Variants in ATP10D observed in about 807,000 individuals in gnomAD.
ATP10D encodes phospholipid-transporting ATPase VD.
A neutral mutation model predicts 144.8 loss-of-function variants in ATP10D; 89 were observed. The ratio of observed to expected loss-of-function variants is 0.61; its 90% confidence interval spans 0.52 to 0.73. The LOEUF is 0.73. ATP10D is among the 30% of genes least tolerant of loss of function. The pLI, the probability that ATP10D is intolerant of heterozygous loss-of-function variation, is 0.00. For synonymous variants in ATP10D, 571 were observed against 615.1 expected (o/e 0.93, Z 1.06); for missense variants, 1,603 against 1,714.8 (o/e 0.93, Z 1.15).
chr4:47,515,208 G>A (rs1010769304), intron 2 of ATP10D, among the ~76,000 whole-genome samples: 3 of 151,966 alleles, frequency 2.0e-5, no homozygotes, highest in Admixed American at 6.6e-5. Context: ...TGATCTGCCC[G>A]CCTCGGCCTC....
intron 10 of ATP10D, among the ~76,000 whole-genome samples, chr4:47,552,403 G>A (rs1718772599): frequency 6.6e-6 from 1 of 152,214 alleles, no homozygotes; most frequent in Admixed American, 6.5e-5. Context: ...AGTTCAAGGA[G>A]CCAGCAGATT....
chr4:47,586,442 G>A (rs1479141445), intron 21 of ATP10D, among the ~76,000 whole-genome samples: 1 of 152,184 alleles, frequency 6.6e-6, no homozygotes, highest in Non-Finnish European at 1.5e-5. Flanking sequence ...AGACAGCATG[G>A]AAAATTGCAG....
At chr4:47,565,761 A>C (rs897102560) in intron 15 of ATP10D, among the ~76,000 whole-genome samples, 1 of 152,062 alleles carries the variant, frequency 6.6e-6, no homozygotes. Flanking sequence ...AAAAAATTAC[A>C]CTTATACCCT....
chr4:47,589,941 T>G (rs921392377), intron 22 of ATP10D, among the ~76,000 whole-genome samples: 4 of 152,092 alleles, frequency 2.6e-5, no homozygotes, highest in Non-Finnish European at 5.9e-5. Flanking sequence ...TTACTGTTGG[T>G]GAGGTTTCAG....
At chr4:47,552,220 C>A (rs1161089447) in intron 10 of ATP10D, among the ~76,000 whole-genome samples, 2 of 152,174 alleles carry the variant, frequency 1.3e-5, no homozygotes, top group Admixed American at 1.3e-4. Flanking sequence ...GTTCTCGTGG[C>A]CACAGCACAG....
intron 1 of ATP10D, among the ~76,000 whole-genome samples, chr4:47,503,714 T>C (rs1715845547): frequency 6.6e-6 from 1 of 151,830 alleles, no homozygotes; most frequent in Non-Finnish European, 1.5e-5. Context: ...CTGGGCAGTA[T>C]AGAAAGACCC....
At chr4:47,505,859 A>C (rs1192546280) in intron 1 of ATP10D, among the ~76,000 whole-genome samples, 55 of 151,868 alleles carry the variant, frequency 3.6e-4, no homozygotes, top group Non-Finnish European at 1.9e-4. Flanking sequence ...TTTTTCTTTT[A>C]GACCAGTGAA....
At chr4:47,511,353 T>C (rs1716316191) in intron 1 of ATP10D, among the ~76,000 whole-genome samples, 1 of 152,188 alleles carries the variant, frequency 6.6e-6, no homozygotes, top group African/African-American at 2.4e-5. Flanking sequence ...TCTCTCATGA[T>C]AAGACGGGCT....
rs557426590 is a variant in ATP10D at position 47,554,760 on chromosome 4, A to G, written c.1670A>G (p.Asp557Gly). 3.3e-5 allele frequency: 53 copies of G among 1,613,436 alleles called. No homozygotes were observed. The South Asian group carries it at 5.1e-4, about 15-fold the overall frequency. The change falls in exon 11 of 23, where the codon GAC (aspartate) becomes GGC (glycine). Residue 557 changes from aspartate (D) to glycine (G), a missense_variant. By Grantham distance (94) the Asp-to-Gly change is moderately conservative. Transcript: ENST00000273859. ...GTGGTACCAGACACCAGGCTTTTAGACAAATTTAGTCAGATTACACCTCGG... is the reference window on the plus strand; with the variant it reads ...GTGGTACCAGACACCAGGCTTTTAGGCAAATTTAGTCAGATTACACCTCGG... ...TDVVPDTRLL[D>G]KFSQITPRLF...
intron 10 of ATP10D, among the ~76,000 whole-genome samples, chr4:47,552,444 C>A (rs546829839): frequency 1.3e-5 from 2 of 152,164 alleles, no homozygotes; most frequent in Non-Finnish European, 2.9e-5. Flanking sequence ...CTTCCTGGTT[C>A]ATAAAAACAG....
At chr4:47,507,908 T>TA (rs1716107949) in intron 1 of ATP10D, among the ~76,000 whole-genome samples, 2 of 152,190 alleles carry the variant, frequency 1.3e-5, no homozygotes, top group Non-Finnish European at 2.9e-5. Flanking sequence ...GAGTGGGTGA[T>TA]ATGGTTAACC....
intron 19 of ATP10D, among the ~76,000 whole-genome samples, chr4:47,580,024 A>G (rs1371680308): frequency 6.6e-6 from 1 of 152,224 alleles, no homozygotes; most frequent in Non-Finnish European, 1.5e-5. Context: ...GAGACAATTG[A>G]TGGTGAATTG....
chr4:47,513,298 C>G (rs1239908999), intron 2 of ATP10D, among the ~76,000 whole-genome samples: 1 of 152,176 alleles, frequency 6.6e-6, no homozygotes, highest in Non-Finnish European at 1.5e-5. Flanking sequence ...ATATCTCATT[C>G]ATGGACAATC....
At chr4:47,540,358 G>T (rs1029751511) in intron 9 of ATP10D, among the ~76,000 whole-genome samples, 1 of 152,090 alleles carries the variant, frequency 6.6e-6, no homozygotes, top group Non-Finnish European at 1.5e-5. Flanking sequence ...TTCTAGCTTC[G>T]AAATGTGTTC....
At chr4:47,581,706 G>C (rs1720526885) in intron 20 of ATP10D, among the ~76,000 whole-genome samples, 1 of 152,204 alleles carries the variant, frequency 6.6e-6, no homozygotes, top group Non-Finnish European at 1.5e-5. Context: ...AGAAGTGTGA[G>C]TGAAAGGTTC....
In ATP10D at chr4:47,512,764, G is replaced by T; in HGVS notation, c.224G>T (p.Arg75Leu). The T allele has an allele frequency of 1.2e-6, 2 of 1,614,014 alleles. No homozygotes were observed. The highest frequency in any genetic ancestry group is 1.7e-6 in the Non-Finnish European group (2 of 1,179,872). Reference sequence around the variant, plus strand: ...TTCTCCGGAGCCTATGTGAACAATCGAATACGAACAACAAAGTACACACTT... The same window carrying T: ...TTCTCCGGAGCCTATGTGAACAATCTAATACGAACAACAAAGTACACACTT... ...EKFSGAYVNN[R>L]IRTTKYTLLN... The change falls in exon 2 of 23, where the codon CGA (arginine) becomes CTA (leucine). Residue 75 changes from arginine (R) to leucine (L), a missense_variant. Arg to Leu is a moderately radical substitution (Grantham distance 102). Coordinates refer to ENST00000273859, the MANE Select transcript of ATP10D (RefSeq NM_020453.4).
chr4:47,505,697 C>A (rs558011512), intron 1 of ATP10D, among the ~76,000 whole-genome samples: 17 of 151,972 alleles, frequency 1.1e-4, no homozygotes, highest in African/African-American at 3.9e-4. Flanking sequence ...GATCGAGCCA[C>A]CCCACCACTA....
At chr4:47,503,451 G>C (rs77727493) in intron 1 of ATP10D, among the ~76,000 whole-genome samples, 2,055 of 152,298 alleles carry the variant, frequency 0.013, 65 homozygotes, top group African/African-American at 0.045. Context: ...CTTCAGTACA[G>C]TTGACCTTTT....
chr4:47,584,274 C>A (rs188126732), intron 21 of ATP10D, among the ~76,000 whole-genome samples: 3 of 152,260 alleles, frequency 2.0e-5, no homozygotes, highest in South Asian at 4.1e-4. Flanking sequence ...TGGTTTTTAC[C>A]CAGTATTCTT....
Sources: gnomAD v4.1 joint callset for allele counts (sites outside exome capture counted in the v4.1 genomes callset) on GRCh38, gnomAD v4.1.1 for gene constraint, MANE v1.5 for transcripts, NCBI Gene and HGNC (gene_info 2026-07-23, HGNC 2026-07-21) for gene names.